Variants in PCDHGA7 observed in about 807,000 individuals in gnomAD.
The protein encoded by PCDHGA7 is protocadherin gamma-A7.
PCDHGA7 carries 44 observed loss-of-function variants against 58.3 expected under a neutral mutation model. The observed-to-expected ratio is 0.75, with a 90% CI of 0.59 to 0.97. The LOEUF is 0.97. Ranked by LOEUF, PCDHGA7 falls within the 50% of genes least tolerant of loss-of-function variation. The pLI, the probability that PCDHGA7 is intolerant of heterozygous loss-of-function variation, is 0.00. For missense variants in PCDHGA7, 1,266 were observed against 1,188.7 expected (o/e 1.06, Z -0.96); for synonymous variants, 516 against 504.2 (o/e 1.02, Z -0.31).
chr5:141,394,701 C>T lies in PCDHGA7; in HGVS notation c.2424+9378C>T, dbSNP rs375281416. Reference sequence around the variant, plus strand: ...GCACACGGGCGAGGTGCGCACGGCGCGAGCCCTGCTGGACAGAGATGCGCT... The same window carrying T: ...GCACACGGGCGAGGTGCGCACGGCGTGAGCCCTGCTGGACAGAGATGCGCT... On this transcript the variant is annotated intron_variant, in intron 1 of 3. Coordinates refer to ENST00000518325, the MANE Select transcript of PCDHGA7 (RefSeq NM_018920.4). The T allele has an allele frequency of 1.0e-4, 163 of 1,613,044 alleles. 1 individual carries two copies. The highest frequency in any genetic ancestry group is 1.3e-4 in the Non-Finnish European group (159 of 1,179,888).
chr5:141,467,055 C>CTTTTT (rs1193465269), intron 1 of PCDHGA7, among the ~76,000 whole-genome samples: 1 of 134,496 alleles, frequency 7.4e-6, no homozygotes, highest in Non-Finnish European at 1.6e-5. Context: ...TCAATGTTTT[C>CTTTTT]TTTTTTTTTT....
At chr5:141,494,522 G>C (rs2099754911) in intron 1 of PCDHGA7, among the ~76,000 whole-genome samples, 1 of 152,196 alleles carries the variant, frequency 6.6e-6, no homozygotes, top group Non-Finnish European at 1.5e-5. Flanking sequence ...CAGGAGTTCT[G>C]ACTCTGGGGG....
chr5:141,469,677 T>C (rs1271778909), intron 1 of PCDHGA7, among the ~76,000 whole-genome samples: 1 of 152,246 alleles, frequency 6.6e-6, no homozygotes, highest in African/African-American at 2.4e-5. Context: ...TAAAACTACA[T>C]ATGCATTGGT....
chr5:141,494,778 C>CA, intron 1 of PCDHGA7, 29 bp from the exon 2 acceptor site: 1 of 1,614,086 alleles, frequency 6.2e-7, no homozygotes, highest in Non-Finnish European at 8.5e-7. Context: ...CACGGGTACT[C>CA]AGCCCCTTTC....
At chr5:141,452,251 ACT>A (rs899414988) in intron 1 of PCDHGA7, among the ~76,000 whole-genome samples, 29 of 152,204 alleles carry the variant, frequency 1.9e-4, no homozygotes, top group African/African-American at 6.7e-4. Flanking sequence ...TTTTGCCATA[ACT>A]CTCTCATTTT....
At chr5:141,414,856 G>C (rs1269714202) in intron 1 of PCDHGA7, 2 of 1,614,216 alleles carry the variant, frequency 1.2e-6, no homozygotes, top group Non-Finnish European at 8.5e-7. Flanking sequence ...GGACCAGAAC[G>C]ACAATGCGCC....
chr5:141,447,235 G>T (rs1458489257), intron 1 of PCDHGA7, among the ~76,000 whole-genome samples: 1 of 152,084 alleles, frequency 6.6e-6, no homozygotes, highest in Non-Finnish European at 1.5e-5. Flanking sequence ...CGCCTCCCGG[G>T]TTCAAGTGAT....
Position 141,382,749 on chromosome 5 carries a change from G to T in PCDHGA7, c.-151G>T. The T allele has an allele frequency of 1.6e-6, 1 of 612,210 alleles. No homozygotes were observed. The highest frequency in any genetic ancestry group is 2.8e-6 in the Non-Finnish European group (1 of 363,426). 37.9% of individuals were successfully genotyped at this position (612,210 alleles called of 1,614,324 possible). On this transcript the variant is annotated 5_prime_UTR_variant, in exon 1 of 4. Coordinates refer to ENST00000518325, the MANE Select transcript of PCDHGA7 (RefSeq NM_018920.4). ...ACAGCACAGAGAAACGACAGATTGC[G>T]ATAAGCCCTCTTCCAGGCTGCACTA...
At chr5:141,413,035 C>A (rs1481573261) in intron 1 of PCDHGA7, 2 of 800,134 alleles carry the variant, frequency 2.5e-6, no homozygotes, top group African/African-American at 1.7e-5. Context: ...AAACCGGCTG[C>A]TGGGCTGCAG....
At chr5:141,498,248 G>A (rs1484987588) in intron 2 of PCDHGA7, among the ~76,000 whole-genome samples, 2 of 152,208 alleles carry the variant, frequency 1.3e-5, no homozygotes, top group Non-Finnish European at 2.9e-5. Flanking sequence ...CTTCAAAGCA[G>A]GGCTGGTGTT....
At chr5:141,389,691 T>A in intron 1 of PCDHGA7, 1 of 1,612,564 alleles carries the variant, frequency 6.2e-7, no homozygotes, top group Non-Finnish European at 8.5e-7. Flanking sequence ...CGCCTGGCTG[T>A]CCTACCACGT....
In PCDHGA7 at chr5:141,505,419, C is replaced by G. The variant is rs1303924776; in HGVS notation, c.2510C>G (p.Thr837Ser). 6 of 1,614,140 alleles carry G rather than the reference C, an allele frequency of 3.7e-6. No individual in the cohort carries two copies. The highest frequency in any genetic ancestry group is 4.2e-6 in the Non-Finnish European group (5 of 1,180,062). Residue 837 changes from threonine to serine, a missense_variant, in exon 3 of 4, where the codon ACC becomes AGC. Thr to Ser is a moderately conservative substitution (Grantham distance 58). Coordinates refer to ENST00000518325, the MANE Select transcript of PCDHGA7 (RefSeq NM_018920.4). ...SGSQNGDDTGTWPNNQFDTEM... is the reference protein window; with the variant it reads ...SGSQNGDDTGSWPNNQFDTEM... ...TCCCAAAATGGCGATGACACCGGCACCTGGCCCAACAACCAGTTTGACACA... is the reference window on the plus strand; with the variant it reads ...TCCCAAAATGGCGATGACACCGGCAGCTGGCCCAACAACCAGTTTGACACA...
rs1562137828 is a variant in PCDHGA7 at position 141,490,359 on chromosome 5, T to C, written c.2425-4448T>C. On this transcript the variant is annotated intron_variant, in intron 1 of 3. Transcript: ENST00000518325. This position sits in a 1 kb window ranked among gnomAD's most constrained non-coding sequence, Gnocchi z 5.4. ...TGGGCACAGTAGTGGGGTTGTTTAA[T>C]GTGCGAGACCGGGACTCAGGTAGAA... The C allele has an allele frequency of 1.9e-6, 3 of 1,614,212 alleles. No individual in the cohort carries two copies. The highest frequency in any genetic ancestry group is 2.5e-6 in the Non-Finnish European group (3 of 1,180,036).
At chr5:141,416,406 T>A (rs2096021956) in intron 1 of PCDHGA7, 1 of 152,224 alleles carries the variant, frequency 6.6e-6, no homozygotes, top group Admixed American at 6.5e-5. Context: ...TTGTCTTTTT[T>A]GTTAAATTTT....
rs1374094845 is a variant in PCDHGA7, at chr5:141,476,576, T to A, written c.2425-18231T>A. On this transcript the variant is annotated intron_variant, in intron 1 of 3. Coordinates refer to ENST00000518325, the MANE Select transcript of PCDHGA7 (RefSeq NM_018920.4). The surrounding 1 kb of genome is among the most constrained non-coding windows in gnomAD (Gnocchi z 7.6). Reference sequence around the variant, plus strand: ...CGAGGCCGTGGCTCCGGGGACGCGCTTTCCGCTCGAGAGCGCGCACGATCC... The same window carrying A: ...CGAGGCCGTGGCTCCGGGGACGCGCATTCCGCTCGAGAGCGCGCACGATCC... 3 of 1,614,102 alleles carry A rather than the reference T, an allele frequency of 1.9e-6. No individual in the cohort carries two copies. Among genetic ancestry groups the A allele is most frequent in the Middle Eastern group, 1.6e-4 (1 of 6,084 alleles).
intron 1 of PCDHGA7, chr5:141,394,570 A>G: frequency 6.2e-7 from 1 of 1,613,768 alleles, no homozygotes; most frequent in Non-Finnish European, 8.5e-7. Flanking sequence ...GAGCGTGGCT[A>G]CCTGGTGACC....
chr5:141,390,538 C>CA, intron 1 of PCDHGA7: 3 of 518,310 alleles, frequency 5.8e-6, no homozygotes, highest in Non-Finnish European at 1.0e-5. Flanking sequence ...GTTTTAACCA[C>CA]AAAGTGAAAG....
chr5:141,415,828 G>T, intron 1 of PCDHGA7: 1 of 1,293,336 alleles, frequency 7.7e-7, no homozygotes, highest in East Asian at 2.8e-5. Flanking sequence ...ATAAGGCTTT[G>T]TTATGATTAG....
intron 1 of PCDHGA7, chr5:141,394,322 G>A (rs1438978424): frequency 1.9e-6 from 3 of 1,613,842 alleles, no homozygotes; most frequent in African/African-American, 1.3e-5. Flanking sequence ...CCCTGTCCTC[G>A]TATATCTCCA....
Sources: gnomAD v4.1 joint callset for allele counts (sites outside exome capture counted in the v4.1 genomes callset) on GRCh38, gnomAD v4.1.1 for gene constraint, Gnocchi (gnomAD v3.1) non-coding constraint, MANE v1.5 for transcripts, NCBI Gene and HGNC (gene_info 2026-07-23, HGNC 2026-07-21) for gene names.